The following TAFA2 variants were observed in gnomAD, a reference collection of about 807,000 sequenced individuals.
The protein encoded by TAFA2 is TAFA chemokine like family member 2.
Under a neutral mutation model 18.8 loss-of-function variants are expected in TAFA2, and 7 were observed. The observed-to-expected ratio is 0.37, with a 90% CI of 0.21 to 0.70. The LOEUF is 0.70. TAFA2 is among the 30% of genes least tolerant of loss of function. TAFA2 has a pLI of 0.53. For synonymous variants in TAFA2, 60 were observed against 54.2 expected (o/e 1.11, Z -0.47); for missense variants, 122 against 158.1 (o/e 0.77, Z 1.23).
chr12:61,836,739 A>ATT (rs1408943862), intron 2 of TAFA2, among the ~76,000 whole-genome samples: 4 of 130,366 alleles, frequency 3.1e-5, no homozygotes, highest in South Asian at 2.7e-4. Flanking sequence ...TTTGATATAT[A>ATT]TATATATATA....
chr12:62,084,755 A>G (rs1237978876), intron 1 of TAFA2, among the ~76,000 whole-genome samples: 1 of 152,148 alleles, frequency 6.6e-6, no homozygotes, highest in Non-Finnish European at 1.5e-5. Flanking sequence ...TCCAATTTTT[A>G]GACTTTAAAA....
intron 1 of TAFA2, chr12:62,235,140 A>G: frequency 1.5e-6 from 1 of 654,022 alleles, no homozygotes; most frequent in East Asian, 3.2e-5. Flanking sequence ...CCCACTGAAA[A>G]TCATCATCTC....
At chr12:61,749,272 CA>C (rs1042280439) in intron 4 of TAFA2, among the ~76,000 whole-genome samples, 1 of 151,690 alleles carries the variant, frequency 6.6e-6, no homozygotes, top group African/African-American at 2.4e-5. Flanking sequence ...GACTTTGTCT[CA>C]AAAAAAGGAG....
intron 4 of TAFA2, among the ~76,000 whole-genome samples, chr12:61,716,953 C>G (rs76790374): frequency 6.6e-6 from 1 of 152,092 alleles, no homozygotes; most frequent in African/African-American, 2.4e-5. Flanking sequence ...TTAACTTATT[C>G]GATAAAGGTA....
chr12:61,826,338 CTGTGTGTG>C (rs57736074), intron 2 of TAFA2, among the ~76,000 whole-genome samples: 3 of 149,030 alleles, frequency 2.0e-5, no homozygotes, highest in East Asian at 2.0e-4. Flanking sequence ...ATTAGTTCAT[CTGTGTGTG>C]TGTGTGTGTG....
At chr12:61,955,671 T>TATATATATATA (rs1878670849) in intron 1 of TAFA2, among the ~76,000 whole-genome samples, 1 of 111,554 alleles carries the variant, frequency 9.0e-6, no homozygotes, top group African/African-American at 3.7e-5. Context: ...ATATATATAT[T>TATATATATATA]TAATTTTAAA....
intron 1 of TAFA2, chr12:61,879,719 C>A: frequency 8.7e-7 from 1 of 1,152,166 alleles, no homozygotes; most frequent in Non-Finnish European, 1.3e-6. Flanking sequence ...GAAGATGGCT[C>A]AGAGCAACAT....
At chr12:62,136,569 G>C (rs187722947) in intron 1 of TAFA2, among the ~76,000 whole-genome samples, 5 of 152,236 alleles carry the variant, frequency 3.3e-5, no homozygotes, top group Non-Finnish European at 5.9e-5. Context: ...TGGCAGTTAA[G>C]CATAAGGTAT....
intron 1 of TAFA2, among the ~76,000 whole-genome samples, chr12:62,122,824 G>C (rs868575691): frequency 3.9e-5 from 6 of 152,216 alleles, no homozygotes; most frequent in South Asian, 2.1e-4. Flanking sequence ...GCACCGCATA[G>C]GGGTATGCAG....
At chr12:62,071,507 C>T (rs1882630527) in intron 1 of TAFA2, among the ~76,000 whole-genome samples, 2 of 151,950 alleles carry the variant, frequency 1.3e-5, no homozygotes, top group South Asian at 2.1e-4. Flanking sequence ...TTTGGGAGGC[C>T]GAGACAGGAG....
At chr12:62,050,821 G>A (rs1882033060) in intron 1 of TAFA2, among the ~76,000 whole-genome samples, 1 of 152,132 alleles carries the variant, frequency 6.6e-6, no homozygotes. Context: ...AATCAGCCAT[G>A]GTAGGAGTAT....
intron 4 of TAFA2, among the ~76,000 whole-genome samples, chr12:61,729,578 G>GT (rs1870341216): frequency 6.6e-6 from 1 of 151,662 alleles, no homozygotes; most frequent in South Asian, 2.1e-4. Context: ...AGTTGTGATT[G>GT]TTTTTTATTT....
chr12:61,825,371 A>G (rs1475983071), intron 2 of TAFA2, among the ~76,000 whole-genome samples: 1 of 152,152 alleles, frequency 6.6e-6, no homozygotes, highest in Non-Finnish European at 1.5e-5. Context: ...GAATAGAATT[A>G]TCATTAACAA....
chr12:62,179,220 T>C (rs993062793), intron 1 of TAFA2, among the ~76,000 whole-genome samples: 2 of 152,166 alleles, frequency 1.3e-5, no homozygotes, highest in Admixed American at 1.3e-4. Flanking sequence ...AAAGGTTAGA[T>C]TTGGGTGGTA....
intron 2 of TAFA2, among the ~76,000 whole-genome samples, chr12:61,852,820 G>A (rs1046661783): frequency 2.6e-5 from 4 of 152,130 alleles, no homozygotes; most frequent in Non-Finnish European, 5.9e-5. Flanking sequence ...ATGAAGGCTT[G>A]TAGAAAGATA....
rs1236721513 is a variant in TAFA2 at position 61,986,168 on chromosome 12, T to TTC, written c.-1-118743_-1-118742insGA. On this transcript the variant is annotated intron_variant, in intron 1 of 4. Coordinates refer to ENST00000416284, the MANE Select transcript of TAFA2 (RefSeq NM_178539.5). ...ACAATCTAAGCTCTTCTTTTTTTTT[T>TTC]TTTTTTTTTTTTTTTTTTGTCTCAC... Among the ~76,000 whole-genome samples, 101 of 135,984 alleles carry TTC rather than the reference T, an allele frequency of 7.4e-4. 3 individuals carry two copies. In the East Asian group the frequency reaches 0.018, roughly 25 times the overall value. The allele number at this position is 135,984 out of a possible 152,430, so 89.2% of individuals were successfully genotyped here. A position where few individuals can be genotyped will look rare whatever the true frequency, so the allele number is the denominator to read the frequency against.
chr12:62,016,808 T>C (rs1201087506), intron 1 of TAFA2, among the ~76,000 whole-genome samples: 1 of 151,910 alleles, frequency 6.6e-6, no homozygotes, highest in Non-Finnish European at 1.5e-5. Context: ...CCTGGTACCC[T>C]GATGAGACAA....
In TAFA2 at chr12:61,879,290, C is replaced by T. The variant is rs1875004034; in HGVS notation, c.-1-11864G>A. The T allele has an allele frequency of 1.4e-5, 6 of 444,010 alleles. No homozygotes were observed. The Middle Eastern group carries it at 2.2e-3, about 164-fold the overall frequency. 27.5% of individuals were successfully genotyped at this position (444,010 alleles called of 1,614,324 possible). ...TTCTCGAATCTCCGCCTGGTTGGGG[C>T]CCACCTGCTTCCACTCCTGCCTCCA... On this transcript the variant is annotated intron_variant, in intron 1 of 4. Transcript: ENST00000416284.
At chr12:61,720,413 AT>A (rs1441298835) in intron 4 of TAFA2, among the ~76,000 whole-genome samples, 1 of 152,202 alleles carries the variant, frequency 6.6e-6, no homozygotes, top group Non-Finnish European at 1.5e-5. Flanking sequence ...CTGCAGAGCC[AT>A]TGTAGGTGAC....
Sources: allele counts gnomAD v4.1 joint callset (sites outside exome capture counted in the v4.1 genomes callset), GRCh38; gene constraint gnomAD v4.1.1; transcripts MANE v1.5; gene names NCBI Gene and HGNC (gene_info 2026-07-23, HGNC 2026-07-21).